ZNF624: variants seen among roughly 807,000 people sequenced by gnomAD.
ZNF624 encodes the protein zinc finger protein 624.
In ZNF624, 43 loss-of-function variants were observed where a neutral mutation model predicts 74.7. That is an observed-to-expected ratio of 0.58 (90% CI 0.45 to 0.74). The LOEUF is 0.74. Among genes scored for constraint, ZNF624 ranks in the 30% least tolerant of loss-of-function variants. ZNF624 has a pLI of 0.00. For missense variants in ZNF624, 820 were observed against 1,030.0 expected, an observed-to-expected ratio of 0.80 and a Z score of 2.79; for synonymous variants, 331 against 341.3, an observed-to-expected ratio of 0.97 and a Z score of 0.33.
chr17:16,627,298 TAA>T (rs1909096817), intron 5 of ZNF624, among the ~76,000 whole-genome samples: 1 of 152,224 alleles, frequency 6.6e-6, no homozygotes, highest in Non-Finnish European at 1.5e-5. Context: ...TTATATGCAC[TAA>T]ATTCTCATCT....
the ZNF624 span, among the ~76,000 whole-genome samples, chr17:16,614,570 A>G: frequency 6.6e-6 from 1 of 152,212 alleles, no homozygotes; most frequent in Non-Finnish European, 1.5e-5. Flanking sequence ...GGTAATTTTT[A>G]CACACAAAAT....
intron 5 of ZNF624, among the ~76,000 whole-genome samples, chr17:16,627,098 A>G (rs147946927): frequency 1.3e-3 from 197 of 152,264 alleles, no homozygotes; most frequent in African/African-American, 4.6e-3. Context: ...TATATAAAAC[A>G]TATCTATAGC....
chr17:16,616,775 T>A, downstream of ZNF624: 1 of 842,572 alleles, frequency 1.2e-6, no homozygotes, highest in Non-Finnish European at 1.8e-6. Context: ...AGACCAAGTA[T>A]AAACATGGAA....
At position 16,649,816 on chromosome 17, in the gene ZNF624, C is replaced by T. The variant is rs749942374; in HGVS notation, c.-2-70G>A. The T allele has an allele frequency of 3.9e-6, 5 of 1,274,996 alleles. No homozygotes were observed. The African/African-American group carries it at 5.8e-5, about 15-fold the overall frequency. 79.0% of individuals were successfully genotyped at this position (1,274,996 alleles called of 1,614,324 possible). The stretch of plus-strand genomic sequence containing the variant: ...ATTTCAGACTCACCAAGTTGGAATC[C>T]TGACATACAAGTGAGCATGACCTCC... On this transcript the variant is annotated intron_variant, in intron 1 of 5. Coordinates refer to ENST00000311331, the MANE Select transcript of ZNF624 (RefSeq NM_020787.4).
intron 5 of ZNF624, among the ~76,000 whole-genome samples, chr17:16,631,983 G>A (rs9894637): frequency 0.23 from 35,253 of 152,088 alleles, 4,556 homozygotes; most frequent in East Asian, 0.35. Context: ...AAGGCATAGA[G>A]GCTATAATTA....
intron 1 of ZNF624, among the ~76,000 whole-genome samples, chr17:16,652,665 C>T (rs1164702682): frequency 6.6e-6 from 1 of 152,104 alleles, no homozygotes; most frequent in African/African-American, 2.4e-5. Flanking sequence ...ACTGAGTAAC[C>T]CAAAACTCTA....
chr17:16,618,782 CT>C, downstream of ZNF624, among the ~76,000 whole-genome samples: 1 of 151,874 alleles, frequency 6.6e-6, no homozygotes, highest in Non-Finnish European at 1.5e-5. Flanking sequence ...TTTTCTCTCC[CT>C]TATTTTCTTA....
In ZNF624 at chr17:16,636,093, G is replaced by T. The variant is rs537290310; in HGVS notation, c.154-1337C>A. Among the ~76,000 whole-genome samples, 5 of 152,308 alleles carry T rather than the reference G, an allele frequency of 3.3e-5. No homozygotes were observed. The South Asian group carries it at 8.3e-4, about 25-fold the overall frequency. On this transcript the variant is annotated intron_variant, in intron 3 of 5. Coordinates refer to ENST00000311331, the MANE Select transcript of ZNF624 (RefSeq NM_020787.4). The stretch of plus-strand genomic sequence containing the variant: ...TCTAAGACACAGGAGACAACTTGAA[G>T]AGGCTTCCACTGGCCAATGATATGA...
At chr17:16,637,082 C>T (rs942014151) in intron 3 of ZNF624, among the ~76,000 whole-genome samples, 1 of 152,124 alleles carries the variant, frequency 6.6e-6, no homozygotes, top group Admixed American at 6.5e-5. Context: ...CAATAACAGA[C>T]AAACAGAGAA....
At chr17:16,638,324 G>T (rs547191220) in intron 3 of ZNF624, among the ~76,000 whole-genome samples, 1 of 152,234 alleles carries the variant, frequency 6.6e-6, no homozygotes, top group African/African-American at 2.4e-5. Context: ...CAGGGATCTA[G>T]AACTAGAAAT....
At chr17:16,615,956 C>CATACATATATATATATATATATAT (rs58603208), downstream of ZNF624, among the ~76,000 whole-genome samples, 1 of 90,308 alleles carries the variant, frequency 1.1e-5, no homozygotes, top group South Asian at 4.0e-4. Context: ...ATTCCATATA[C>CATACATATATATATATATATATAT]ATATATATAT....
chr17:16,619,762 C>T (rs1235494637), downstream of ZNF624, among the ~76,000 whole-genome samples: 2 of 152,328 alleles, frequency 1.3e-5, no homozygotes, highest in South Asian at 2.1e-4. Context: ...GTCATTTGAA[C>T]CTGCTGACCA....
At chr17:16,632,429 C>G (rs1476699320) in intron 5 of ZNF624, among the ~76,000 whole-genome samples, 1 of 152,126 alleles carries the variant, frequency 6.6e-6, no homozygotes, top group African/African-American at 2.4e-5. Flanking sequence ...TTTCTTGACT[C>G]CATTCTTTCC....
intron 3 of ZNF624, among the ~76,000 whole-genome samples, chr17:16,643,704 G>T (rs920313824): frequency 6.6e-6 from 1 of 152,128 alleles, no homozygotes; most frequent in Non-Finnish European, 1.5e-5. Flanking sequence ...TAAAAATACT[G>T]CCAGAAGGAC....
downstream of ZNF624, among the ~76,000 whole-genome samples, chr17:16,619,638 C>T (rs1309039565): frequency 1.3e-5 from 2 of 152,206 alleles, no homozygotes; most frequent in Non-Finnish European, 2.9e-5. Context: ...AATGGAATAG[C>T]GGCATGCACA....
intron 5 of ZNF624, among the ~76,000 whole-genome samples, chr17:16,628,276 C>CA (rs35582673): frequency 6.7e-6 from 1 of 149,536 alleles, no homozygotes; most frequent in Non-Finnish European, 1.5e-5. Context: ...CCCCCGACCC[C>CA]AAAAAAAAGG....
chr17:16,635,892 A>G (rs926289811), intron 3 of ZNF624, among the ~76,000 whole-genome samples: 1 of 152,104 alleles, frequency 6.6e-6, no homozygotes, highest in African/African-American at 2.4e-5. Flanking sequence ...AAAAAAAAAA[A>G]AACACATTTC....
chr17:16,626,743 C>A (rs1445762060), intron 5 of ZNF624, among the ~76,000 whole-genome samples: 1 of 151,940 alleles, frequency 6.6e-6, no homozygotes, highest in African/African-American at 2.4e-5. Context: ...CAAAGTGAAA[C>A]CCTGTCTCAA....
intron 1 of ZNF624, among the ~76,000 whole-genome samples, chr17:16,650,214 T>C (rs28431824): frequency 0.23 from 34,986 of 151,966 alleles, 4,475 homozygotes; most frequent in East Asian, 0.35. Flanking sequence ...TTAAATATTC[T>C]AAGAATCTCC....
Sources: allele counts gnomAD v4.1 joint callset (sites outside exome capture counted in the v4.1 genomes callset), GRCh38; gene constraint gnomAD v4.1.1; transcripts MANE v1.5; gene names NCBI Gene and HGNC (gene_info 2026-07-23, HGNC 2026-07-21).